Variants in SH3GL2 observed in about 807,000 individuals in gnomAD.
SH3GL2 encodes the protein endophilin-A1.
SH3GL2 carries 24 observed loss-of-function variants against 46.0 expected under a neutral mutation model. That is an observed-to-expected ratio of 0.52 (90% CI 0.38 to 0.73). The LOEUF is 0.73. SH3GL2 is among the 30% of genes least tolerant of loss of function. The pLI is 0.00. For missense variants in SH3GL2, 413 were observed against 424.2 expected, an observed-to-expected ratio of 0.97 and a Z score of 0.23; for synonymous variants, 196 against 147.1, an observed-to-expected ratio of 1.33 and a Z score of -2.40.
chr9:17,636,628 G>C (rs917071105), intron 1 of SH3GL2, among the ~76,000 whole-genome samples: 3 of 152,126 alleles, frequency 2.0e-5, no homozygotes, highest in Non-Finnish European at 4.4e-5. Context: ...TTTTCCCATT[G>C]TGCAAGTTTA....
intron 1 of SH3GL2, among the ~76,000 whole-genome samples, chr9:17,668,220 G>A (rs969304502): frequency 5.9e-5 from 9 of 152,120 alleles, no homozygotes; most frequent in African/African-American, 1.7e-4. Flanking sequence ...GACTAATGAC[G>A]ATGTTTTCTT....
chr9:17,638,925 T>G (rs1819610174), intron 1 of SH3GL2, among the ~76,000 whole-genome samples: 1 of 152,248 alleles, frequency 6.6e-6, no homozygotes, highest in South Asian at 2.1e-4. Flanking sequence ...TTGTGAGAAT[T>G]ACATTGTTGG....
intron 1 of SH3GL2, among the ~76,000 whole-genome samples, chr9:17,628,421 T>G (rs1397120488): frequency 1.9e-4 from 12 of 63,042 alleles, no homozygotes; most frequent in African/African-American, 6.9e-4. Flanking sequence ...GGTGTGTGTG[T>G]GTGTGTGTGT....
At chr9:17,657,744 A>G (rs1339599826) in intron 1 of SH3GL2, among the ~76,000 whole-genome samples, 5 of 152,112 alleles carry the variant, frequency 3.3e-5, no homozygotes, top group African/African-American at 9.7e-5. Context: ...GGGAACAATA[A>G]TGGTTGTTCT....
chr9:17,584,000 C>T (rs576054228), intron 1 of SH3GL2, among the ~76,000 whole-genome samples: 1 of 152,146 alleles, frequency 6.6e-6, no homozygotes, highest in Non-Finnish European at 1.5e-5. Flanking sequence ...AAAATCTTGG[C>T]TGTGGCTTGT....
chr9:17,609,508 G>C (rs1453952114), intron 1 of SH3GL2, among the ~76,000 whole-genome samples: 1 of 152,108 alleles, frequency 6.6e-6, no homozygotes, highest in Non-Finnish European at 1.5e-5. Context: ...AGCTCTCCGT[G>C]GGGCCACCTC....
At chr9:17,761,544 C>A in intron 3 of SH3GL2, 35 bp downstream of exon 3, 3 of 1,262,780 alleles carry the variant, frequency 2.4e-6, no homozygotes, top group Non-Finnish European at 3.5e-6. Context: ...AAGGATCCCT[C>A]GAGGTAACTT....
chr9:17,639,074 T>A (rs1428872731), intron 1 of SH3GL2, among the ~76,000 whole-genome samples: 1 of 152,224 alleles, frequency 6.6e-6, no homozygotes, highest in Non-Finnish European at 1.5e-5. Flanking sequence ...TATAAAGGTA[T>A]GTTGAATGAA....
In SH3GL2 at chr9:17,789,447, G is replaced by A. The variant is rs1338357898; in HGVS notation, c.521G>A (p.Arg174Gln). 1 of 1,613,414 alleles carries A rather than the reference G, an allele frequency of 6.2e-7. No individual in the cohort carries two copies. The highest frequency in any genetic ancestry group is 1.1e-5 in the South Asian group (1 of 91,050). ...CTGGATTTTGATTATAAGAAGAAAC[G>A]ACAAGGCAAGATTCCGGATGAAGAG... ...RRLDFDYKKK[R>Q]QGKIPDEELR... Residue 174 changes from arginine to glutamine, a missense_variant, in exon 6 of 9, where the codon CGA becomes CAA. Around this residue, in one of 3 missense-constraint regions of SH3GL2, gnomAD observed 248 missense variants for 215.0 expected, o/e 1.15. Coordinates refer to ENST00000380607, the MANE Select transcript of SH3GL2 (RefSeq NM_003026.5).
At chr9:17,759,058 C>T (rs1457122616) in intron 2 of SH3GL2, among the ~76,000 whole-genome samples, 2 of 152,094 alleles carry the variant, frequency 1.3e-5, no homozygotes, top group Non-Finnish European at 2.9e-5. Context: ...GGTTGGGCTC[C>T]CTACACAGAG....
intron 1 of SH3GL2, among the ~76,000 whole-genome samples, chr9:17,604,759 G>A (rs1004005290): frequency 6.6e-6 from 1 of 152,154 alleles, no homozygotes; most frequent in Admixed American, 6.5e-5. Flanking sequence ...CTACTAAGGC[G>A]TGGTCTTCAA....
intron 1 of SH3GL2, among the ~76,000 whole-genome samples, chr9:17,602,979 T>G (rs975872219): frequency 9.8e-5 from 15 of 152,318 alleles, no homozygotes; most frequent in Non-Finnish European, 2.9e-5. Context: ...TTACTTTAGT[T>G]GTAGCAAAGA....
At chr9:17,719,383 G>C (rs899269139) in intron 1 of SH3GL2, among the ~76,000 whole-genome samples, 2 of 152,122 alleles carry the variant, frequency 1.3e-5, no homozygotes, top group Non-Finnish European at 2.9e-5. Context: ...ATGTTTTCAT[G>C]ATCTGCCAAA....
At chr9:17,785,820 T>A (rs1386960462) in intron 3 of SH3GL2, among the ~76,000 whole-genome samples, 1 of 152,194 alleles carries the variant, frequency 6.6e-6, no homozygotes, top group Non-Finnish European at 1.5e-5. Context: ...GTATTTTTGC[T>A]CTTCATGGGT....
At chr9:17,690,728 A>G (rs1198748256) in intron 1 of SH3GL2, among the ~76,000 whole-genome samples, 1 of 152,176 alleles carries the variant, frequency 6.6e-6, no homozygotes, top group Non-Finnish European at 1.5e-5. Flanking sequence ...AATAACATGA[A>G]AAGTGCCGGG....
intron 2 of SH3GL2, among the ~76,000 whole-genome samples, chr9:17,754,622 G>A (rs1423394929): frequency 2.6e-5 from 4 of 152,120 alleles, no homozygotes; most frequent in African/African-American, 7.2e-5. Flanking sequence ...GCAGTGAGCC[G>A]AGATCACGCC....
chr9:17,725,394 G>A (rs1180989162), intron 1 of SH3GL2, among the ~76,000 whole-genome samples: 1 of 152,024 alleles, frequency 6.6e-6, no homozygotes, highest in Non-Finnish European at 1.5e-5. Context: ...TTCACTTATT[G>A]TTACTGTTAT....
intron 1 of SH3GL2, among the ~76,000 whole-genome samples, chr9:17,626,825 C>G (rs556199404): frequency 6.6e-6 from 1 of 152,302 alleles, no homozygotes; most frequent in South Asian, 2.1e-4. Context: ...TCCCGTGTCT[C>G]TCATAGATAT....
chr9:17,715,108 T>G (rs900529377), intron 1 of SH3GL2, among the ~76,000 whole-genome samples: 1 of 151,772 alleles, frequency 6.6e-6, no homozygotes, highest in African/African-American at 2.4e-5. Flanking sequence ...CCTTTGTATA[T>G]AATATGTCTT....
Sources: allele counts gnomAD v4.1 joint callset (sites outside exome capture counted in the v4.1 genomes callset), GRCh38; gene constraint gnomAD v4.1.1; regional missense constraint gnomAD v4.1.1; transcripts MANE v1.5; gene names NCBI Gene and HGNC (gene_info 2026-07-23, HGNC 2026-07-21).